Variants in GDAP1 observed in about 807,000 individuals in gnomAD.
GDAP1 encodes ganglioside-induced differentiation-associated protein 1.
In GDAP1, 34 loss-of-function variants were observed where a neutral mutation model predicts 40.1. The ratio of observed to expected loss-of-function variants is 0.85; its 90% CI spans 0.64 to 1.13. GDAP1 has a LOEUF of 1.13. GDAP1 is among the 50% of genes most tolerant of loss of function. The pLI, the probability that GDAP1 is intolerant of heterozygous loss-of-function variation, is 0.00. For missense variants in GDAP1, 374 were observed against 433.7 expected (o/e 0.86, Z 1.22); for synonymous variants, 170 against 157.4 (o/e 1.08, Z -0.60).
chr8:74,410,512 A>G (rs1805696137), intron 2 of GDAP1, among the ~76,000 whole-genome samples: 2 of 150,284 alleles, frequency 1.3e-5, no homozygotes, highest in South Asian at 4.1e-4. Flanking sequence ...ATTACTTGGG[A>G]TATTTAAAAT....
intron 2 of GDAP1, among the ~76,000 whole-genome samples, chr8:74,436,251 A>G (rs1806086909): frequency 1.3e-5 from 2 of 152,158 alleles, no homozygotes; most frequent in African/African-American, 4.8e-5. Context: ...TATTCGACCC[A>G]AGCTGGACCA....
At chr8:74,457,768 T>G in intron 2 of GDAP1, among the ~76,000 whole-genome samples, 1 of 152,258 alleles carries the variant, frequency 6.6e-6, no homozygotes, top group East Asian at 1.9e-4. Flanking sequence ...GACAAAAATG[T>G]TTAGAGAATG....
chr8:74,382,510 A>T (rs961965306), intron 2 of GDAP1, among the ~76,000 whole-genome samples: 1 of 152,056 alleles, frequency 6.6e-6, no homozygotes, highest in Non-Finnish European at 1.5e-5. Context: ...AAGAATATAG[A>T]TTATAGTTTA....
intron 2 of GDAP1, among the ~76,000 whole-genome samples, chr8:74,384,183 C>CATTATATATTA (rs1175486449): frequency 6.6e-6 from 1 of 152,018 alleles, no homozygotes; most frequent in African/African-American, 2.4e-5. Context: ...TGTAAGTTAA[C>CATTATATATTA]ACTTTCTTCC....
At chr8:74,350,705 A>G in intron 1 of GDAP1, 127 bp downstream of exon 1, 3 of 751,380 alleles carry the variant, frequency 4.0e-6, no homozygotes, top group Non-Finnish European at 7.2e-6. Flanking sequence ...GACCCCGGGC[A>G]GGCGCTCCCT....
intron 2 of GDAP1, among the ~76,000 whole-genome samples, chr8:74,487,383 C>T (rs2128722115): frequency 6.6e-6 from 1 of 152,240 alleles, no homozygotes; most frequent in East Asian, 1.9e-4. Context: ...ATCCTGGCTT[C>T]CAATATTGCA....
At chr8:74,470,132 A>G (rs1586844915) in intron 2 of GDAP1, among the ~76,000 whole-genome samples, 1 of 151,924 alleles carries the variant, frequency 6.6e-6, no homozygotes. Context: ...TTTGTAGCTA[A>G]TGCTTTCTTA....
At chr8:74,487,392 C>T (rs963887474) in intron 2 of GDAP1, among the ~76,000 whole-genome samples, 1 of 152,102 alleles carries the variant, frequency 6.6e-6, no homozygotes, top group South Asian at 2.1e-4. Context: ...TCCAATATTG[C>T]ATAGAGGAGG....
At chr8:74,439,773 C>T (rs1340199469) in intron 2 of GDAP1, among the ~76,000 whole-genome samples, 1 of 151,742 alleles carries the variant, frequency 6.6e-6, no homozygotes, top group Non-Finnish European at 1.5e-5. Flanking sequence ...TCTCTTTAAA[C>T]CATAAATTAA....
At chr8:74,442,720 A>T (rs1459580272) in intron 2 of GDAP1, among the ~76,000 whole-genome samples, 1 of 152,180 alleles carries the variant, frequency 6.6e-6, no homozygotes, top group South Asian at 2.1e-4. Flanking sequence ...AGGAGAGCAA[A>T]TGTAAAGACT....
At chr8:74,484,574 C>G (rs1212442595) in intron 2 of GDAP1, among the ~76,000 whole-genome samples, 2 of 152,044 alleles carry the variant, frequency 1.3e-5, no homozygotes, top group African/African-American at 4.8e-5. Context: ...ATAAAATTAG[C>G]CTCAATCATC....
At chr8:74,422,341 CTTTCTTTCTTCCCTTCCTTCCTT>C (rs1563465467) in intron 2 of GDAP1, among the ~76,000 whole-genome samples, 15 of 54,432 alleles carry the variant, frequency 2.8e-4, no homozygotes, top group South Asian at 8.4e-4. Context: ...TTCTTTCTTT[CTTTCTTTCTTCCCTTCCTTCCTT>C]CCTTCCTTCC....
Position 74,365,823 on chromosome 8 carries a change from G to A in GDAP1, c.*1456G>A, listed in dbSNP as rs1296404927. On this transcript the variant is annotated 3_prime_UTR_variant, in exon 6 of 6. Coordinates refer to ENST00000220822, the MANE Select transcript of GDAP1 (RefSeq NM_018972.4). Reference sequence around the variant, plus strand: ...TAATAAAACCTCCAGAGTAAACTCAGTCAAACAATAATTGAGTAGCAGCTT... The same window carrying A: ...TAATAAAACCTCCAGAGTAAACTCAATCAAACAATAATTGAGTAGCAGCTT... 4.4e-6 allele frequency: 2 copies of A among 453,930 alleles called. No homozygotes were observed. Among genetic ancestry groups the A allele is most frequent in the Non-Finnish European group, 4.4e-6 (1 of 226,760 alleles). The allele number at this position is 453,930 out of a possible 1,614,324, so 28.1% of individuals were successfully genotyped here.
At chr8:74,358,473 CA>C (rs1809205838) in intron 2 of GDAP1, among the ~76,000 whole-genome samples, 1 of 152,102 alleles carries the variant, frequency 6.6e-6, no homozygotes, top group Non-Finnish European at 1.5e-5. Context: ...TTGAGGATAC[CA>C]GAGAGCATTT....
chr8:74,446,055 TA>T (rs549840485), intron 2 of GDAP1, among the ~76,000 whole-genome samples: 296 of 152,264 alleles, frequency 1.9e-3, no homozygotes, highest in African/African-American at 6.4e-3. Flanking sequence ...CCCAACAAAA[TA>T]GCAAACATAC....
chr8:74,401,019 C>T (rs1218873658), intron 2 of GDAP1, among the ~76,000 whole-genome samples: 73 of 140,564 alleles, frequency 5.2e-4, no homozygotes, highest in African/African-American at 1.0e-3. Context: ...GTGAATCTGA[C>T]AATTATGTGT....
intron 1 of GDAP1, 135 bp downstream of exon 1, chr8:74,350,713 C>T: frequency 1.4e-6 from 1 of 734,726 alleles, no homozygotes; most frequent in Non-Finnish European, 2.5e-6. Flanking sequence ...GCAGGCGCTC[C>T]CTCCAGGCGG....
At chr8:74,477,052 TG>T (rs972771593) in intron 2 of GDAP1, among the ~76,000 whole-genome samples, 2 of 152,204 alleles carry the variant, frequency 1.3e-5, no homozygotes, top group African/African-American at 2.4e-5. Context: ...TCTCTGAGAT[TG>T]TTTCCTTATC....
chr8:74,478,402 G>A (rs10100934), intron 2 of GDAP1, among the ~76,000 whole-genome samples: 2 of 152,040 alleles, frequency 1.3e-5, no homozygotes, highest in African/African-American at 4.8e-5. Context: ...GTAGGCTGGT[G>A]TGTGTCTATG....
Sources: gnomAD v4.1 joint callset for allele counts (sites outside exome capture counted in the v4.1 genomes callset) on GRCh38, gnomAD v4.1.1 for gene constraint, MANE v1.5 for transcripts, NCBI Gene and HGNC (gene_info 2026-07-23, HGNC 2026-07-21) for gene names.